PLXDC2: variants seen among roughly 807,000 people sequenced by gnomAD.
PLXDC2 encodes the protein plexin domain containing 2, also known as plexin domain-containing protein 2.
A neutral mutation model predicts 68.9 loss-of-function variants in PLXDC2; 40 were observed. The ratio of observed to expected loss-of-function variants is 0.58; its 90% confidence interval spans 0.45 to 0.76. The LOEUF (loss-of-function observed/expected upper bound fraction) is 0.76. Ranked by LOEUF, PLXDC2 falls within the 30% of genes least tolerant of loss-of-function variation. The pLI is 0.00. For missense variants in PLXDC2, 644 were observed against 661.9 expected (o/e 0.97, Z 0.30); for synonymous variants, 243 against 234.2 (o/e 1.04, Z -0.34).
At chr10:19,933,004 A>G (rs1161518546) in intron 1 of PLXDC2, among the ~76,000 whole-genome samples, 1 of 152,172 alleles carries the variant, frequency 6.6e-6, no homozygotes. Flanking sequence ...TTTGCCAAAG[A>G]GAGGTTAGGT....
At chr10:20,157,375 C>T (rs1015870965) in intron 6 of PLXDC2, among the ~76,000 whole-genome samples, 1 of 152,172 alleles carries the variant, frequency 6.6e-6, no homozygotes, top group Non-Finnish European at 1.5e-5. Context: ...ACTATACAAT[C>T]AAACCCTTGC....
intron 12 of PLXDC2, among the ~76,000 whole-genome samples, chr10:20,221,365 A>G (rs1835210048): frequency 6.6e-6 from 1 of 152,212 alleles, no homozygotes; most frequent in African/African-American, 2.4e-5. Context: ...TTTTTGGTAT[A>G]CTAGAGAGTC....
chr10:20,191,393 C>T (rs1834762735), intron 9 of PLXDC2, among the ~76,000 whole-genome samples: 1 of 151,780 alleles, frequency 6.6e-6, no homozygotes, highest in Non-Finnish European at 1.5e-5. Flanking sequence ...GAACCATGGC[C>T]TTGGCTGCAA....
intron 1 of PLXDC2, among the ~76,000 whole-genome samples, chr10:19,941,758 C>T (rs1833821708): frequency 6.6e-6 from 1 of 152,108 alleles, no homozygotes; most frequent in Non-Finnish European, 1.5e-5. Flanking sequence ...GTTTTCTTTT[C>T]CTTCTTTCTC....
At chr10:20,107,065 G>GTATATATATACA (rs1368249673) in intron 4 of PLXDC2, among the ~76,000 whole-genome samples, 2 of 147,642 alleles carry the variant, frequency 1.4e-5, no homozygotes, top group African/African-American at 4.9e-5. Flanking sequence ...TACACTATAT[G>GTATATATATACA]CTATATATAT....
At chr10:20,220,777 T>C (rs981762869) in intron 12 of PLXDC2, among the ~76,000 whole-genome samples, 1 of 151,566 alleles carries the variant, frequency 6.6e-6, no homozygotes, top group African/African-American at 2.4e-5. Flanking sequence ...GCATCCTGAG[T>C]AATCTTCAAG....
chr10:20,128,672 C>A (rs193135801), intron 4 of PLXDC2, among the ~76,000 whole-genome samples: 214 of 152,228 alleles, frequency 1.4e-3, no homozygotes, highest in African/African-American at 5.0e-3. Context: ...CCTATCCCCC[C>A]ACTTCTAGCA....
intron 1 of PLXDC2, among the ~76,000 whole-genome samples, chr10:19,824,340 A>T (rs372538202): frequency 6.6e-6 from 1 of 152,146 alleles, no homozygotes; most frequent in Admixed American, 6.5e-5. Context: ...TAGCTTACCT[A>T]TGTCTTCATC....
At chr10:20,126,098 A>G (rs1287218068) in intron 4 of PLXDC2, among the ~76,000 whole-genome samples, 2 of 147,892 alleles carry the variant, frequency 1.4e-5, no homozygotes, top group African/African-American at 4.9e-5. Context: ...TATATAAAAC[A>G]TCAATATGTA....
chr10:20,268,669 A>G (rs1375948246), intron 13 of PLXDC2, among the ~76,000 whole-genome samples: 1 of 152,322 alleles, frequency 6.6e-6, no homozygotes, highest in East Asian at 1.9e-4. Flanking sequence ...CTTGAGCTTC[A>G]CTTAGAAATA....
intron 2 of PLXDC2, among the ~76,000 whole-genome samples, chr10:20,003,323 G>A (rs1256174719): frequency 1.3e-5 from 2 of 152,196 alleles, no homozygotes. Flanking sequence ...TATAAAGGCA[G>A]CTCAGGGAGT....
chr10:19,825,673 G>A (rs1836557526), intron 1 of PLXDC2, among the ~76,000 whole-genome samples: 1 of 152,148 alleles, frequency 6.6e-6, no homozygotes. Context: ...AGTAGGACAG[G>A]CAGAATTTAT....
intron 1 of PLXDC2, among the ~76,000 whole-genome samples, chr10:19,840,016 C>T (rs994731574): frequency 7.2e-5 from 11 of 152,148 alleles, no homozygotes; most frequent in African/African-American, 2.4e-4. Flanking sequence ...TAAATGTTAA[C>T]TAATTTCCTG....
chr10:20,088,447 T>G (rs1032653438), intron 4 of PLXDC2, among the ~76,000 whole-genome samples: 1 of 152,206 alleles, frequency 6.6e-6, no homozygotes, highest in Admixed American at 6.5e-5. Context: ...GGGATAACTA[T>G]GATTTCATAA....
chr10:19,974,432 A>T (rs1167815912), intron 1 of PLXDC2, among the ~76,000 whole-genome samples: 1 of 152,246 alleles, frequency 6.6e-6, no homozygotes, highest in Non-Finnish European at 1.5e-5. Context: ...GGAAATATGA[A>T]GTCGTTCAAA....
chr10:20,010,287 A>G (rs1472348354), intron 2 of PLXDC2, among the ~76,000 whole-genome samples: 1 of 152,182 alleles, frequency 6.6e-6, no homozygotes, highest in Non-Finnish European at 1.5e-5. Context: ...GTAATTTGCA[A>G]AAACACATGG....
intron 12 of PLXDC2, among the ~76,000 whole-genome samples, chr10:20,220,652 T>A (rs890343259): frequency 6.6e-6 from 1 of 152,136 alleles, no homozygotes; most frequent in Non-Finnish European, 1.5e-5. Flanking sequence ...GGAAAACTGA[T>A]AATTCATTCA....
In PLXDC2 at chr10:20,217,354, C is replaced by A. The variant is rs1835150996; in HGVS notation, c.1123-72C>A. 1.5e-5 allele frequency: 21 copies of A among 1,386,490 alleles called. No individual in the cohort carries two copies. The South Asian group carries it at 3.1e-4, about 21-fold the overall frequency. 85.9% of individuals were successfully genotyped at this position (1,386,490 alleles called of 1,614,324 possible). On this transcript the variant is annotated intron_variant, in intron 10 of 13. Transcript: ENST00000377252. ...GAGGCTTTTGTGCTTTACAGCCCAG[C>A]TTCTTTGATGTAAGTTCTAAAAATA...
intron 3 of PLXDC2, among the ~76,000 whole-genome samples, chr10:20,065,281 G>A (rs914453330): frequency 6.6e-6 from 1 of 152,218 alleles, no homozygotes; most frequent in African/African-American, 2.4e-5. Flanking sequence ...CTGGAGCAGA[G>A]AGTATGAGGG....
Sources: allele counts gnomAD v4.1 joint callset (sites outside exome capture counted in the v4.1 genomes callset), GRCh38; gene constraint gnomAD v4.1.1; transcripts MANE v1.5; gene names NCBI Gene and HGNC (gene_info 2026-07-23, HGNC 2026-07-21).